NARS2: variants seen among roughly 807,000 people sequenced by gnomAD.
The protein encoded by NARS2 is asparaginyl-tRNA synthetase 2, mitochondrial.
In NARS2, 60 loss-of-function variants were observed where a neutral mutation model predicts 62.9. That is an observed-to-expected ratio of 0.95 (90% confidence interval 0.77 to 1.18). The LOEUF (loss-of-function observed/expected upper bound fraction) is 1.18, where lower values mean the gene tolerates loss of function less well. NARS2 is among the 50% of genes most tolerant of loss of function. The probability of loss-of-function intolerance (pLI) is 0.00; values close to 1 mark genes in which losing one functional copy is unlikely to be tolerated. For synonymous variants in NARS2, 196 were observed against 200.0 expected (o/e 0.98, Z 0.17); for missense variants, 619 against 576.4 (o/e 1.07, Z -0.76).
intron 12 of NARS2, among the ~76,000 whole-genome samples, chr11:78,441,884 T>C (rs892112875): frequency 6.6e-6 from 1 of 152,324 alleles, no homozygotes; most frequent in African/African-American, 2.4e-5. Flanking sequence ...TTGAGAACTA[T>C]TAATAAAATT....
chr11:78,482,683 C>T (rs1409018975), intron 7 of NARS2, among the ~76,000 whole-genome samples: 1 of 152,152 alleles, frequency 6.6e-6, no homozygotes, highest in African/African-American at 2.4e-5. Context: ...CCTCCCAAGA[C>T]TAAACCAGGA....
intron 7 of NARS2, among the ~76,000 whole-genome samples, chr11:78,491,063 T>C (rs1458377594): frequency 6.6e-6 from 1 of 152,212 alleles, no homozygotes; most frequent in Admixed American, 6.5e-5. Flanking sequence ...AATTAGGGGA[T>C]GGGCTCAAGT....
chr11:78,506,708 G>T (rs956636447), intron 6 of NARS2, among the ~76,000 whole-genome samples: 4 of 152,096 alleles, frequency 2.6e-5, no homozygotes. Context: ...GCTAATTTTT[G>T]TATATTTAGT....
intron 6 of NARS2, among the ~76,000 whole-genome samples, chr11:78,509,134 A>G (rs1030939010): frequency 6.6e-6 from 1 of 151,768 alleles, no homozygotes; most frequent in Non-Finnish European, 1.5e-5. Flanking sequence ...AAAAAAGATT[A>G]TCAACAGATT....
intron 13 of NARS2, among the ~76,000 whole-genome samples, chr11:78,440,212 C>G (rs140357882): frequency 1.3e-5 from 2 of 151,558 alleles, no homozygotes; most frequent in Non-Finnish European, 2.9e-5. Flanking sequence ...TACAGGCACA[C>G]GCCACCATGC....
chr11:78,517,080 T>C (rs1245615985), intron 6 of NARS2, among the ~76,000 whole-genome samples: 2 of 152,126 alleles, frequency 1.3e-5, no homozygotes, highest in African/African-American at 2.4e-5. Context: ...AAAAACAGCA[T>C]ATGCAAAGGA....
At chr11:78,548,357 C>T (rs1453463890) in intron 5 of NARS2, among the ~76,000 whole-genome samples, 1 of 150,686 alleles carries the variant, frequency 6.6e-6, no homozygotes, top group Non-Finnish European at 1.5e-5. Flanking sequence ...CATCTAAAAA[C>T]GTTTAAAAGA....
At chr11:78,470,529 T>C (rs913296290) in intron 9 of NARS2, among the ~76,000 whole-genome samples, 4 of 152,198 alleles carry the variant, frequency 2.6e-5, no homozygotes, top group African/African-American at 7.2e-5. Context: ...ATTTTACTAA[T>C]ATACCTTGCA....
chr11:78,452,396 C>T (rs928698478), intron 11 of NARS2, among the ~76,000 whole-genome samples: 6 of 151,832 alleles, frequency 4.0e-5, no homozygotes, highest in Non-Finnish European at 5.9e-5. Context: ...CGTCAGCCAC[C>T]GTGTCTGGCC....
chr11:78,554,072 A>C (rs1001849324), intron 5 of NARS2, among the ~76,000 whole-genome samples: 2 of 151,462 alleles, frequency 1.3e-5, no homozygotes, highest in African/African-American at 4.9e-5. Flanking sequence ...TTATTTCTGG[A>C]CTCTTTATTT....
chr11:78,560,699 T>C lies in NARS2; in HGVS notation c.514-1080A>G, dbSNP rs577156030. Among the ~76,000 whole-genome samples, 9 of 152,346 alleles carry C rather than the reference T, an allele frequency of 5.9e-5. No individual in the cohort carries two copies. The South Asian group carries it at 1.9e-3, about 32-fold the overall frequency. On this transcript the variant is annotated intron_variant, in intron 4 of 13. Transcript: ENST00000281038. Reference sequence around the variant, plus strand: ...AAAGTATTCAGTCAACAACTTGCCTTATGATGTGGACTGATTAAATATTCA... The same window carrying C: ...AAAGTATTCAGTCAACAACTTGCCTCATGATGTGGACTGATTAAATATTCA...
rs768220160 is a variant in NARS2, at chr11:78,520,531, T to TA, written c.689+8310_689+8311insT. On this transcript the variant is annotated intron_variant, in intron 6 of 13. Transcript: ENST00000281038. Reference sequence around the variant, plus strand: ...GGTTGCAATCACAGGTTAGGACTTGTCTTTTTTCAGGACACGGTTCAAGCA... The same window carrying TA: ...GGTTGCAATCACAGGTTAGGACTTGTACTTTTTTCAGGACACGGTTCAAGCA... 9.5e-4 allele frequency among the ~76,000 whole-genome samples: 144 copies of TA among 152,282 alleles called. 1 individual carries two copies. Among genetic ancestry groups the TA allele is most frequent in the Non-Finnish European group, 1.6e-3 (110 of 68,036 alleles).
chr11:78,549,332 G>A (rs1038025931), intron 5 of NARS2, among the ~76,000 whole-genome samples: 12 of 152,174 alleles, frequency 7.9e-5, no homozygotes, highest in Non-Finnish European at 1.5e-4. Context: ...TGTCCCTTCC[G>A]CCAGCACTGG....
chr11:78,554,039 C>G (rs1856234405), intron 5 of NARS2, among the ~76,000 whole-genome samples: 1 of 152,138 alleles, frequency 6.6e-6, no homozygotes, highest in African/African-American at 2.4e-5. Context: ...TGGGGAGGAT[C>G]AGATTGTCAT....
chr11:78,534,080 A>G (rs1357420665), intron 5 of NARS2, among the ~76,000 whole-genome samples: 1 of 152,166 alleles, frequency 6.6e-6, no homozygotes, highest in African/African-American at 2.4e-5. Flanking sequence ...GTTGCTTCCA[A>G]GTTTTGGCAA....
intron 6 of NARS2, among the ~76,000 whole-genome samples, chr11:78,508,016 G>A (rs1860570021): frequency 6.6e-6 from 1 of 152,096 alleles, no homozygotes; most frequent in Non-Finnish European, 1.5e-5. Flanking sequence ...AATGATGTAT[G>A]AACAAAATGG....
At chr11:78,562,861 C>T (rs1856601101) in intron 4 of NARS2, among the ~76,000 whole-genome samples, 1 of 152,200 alleles carries the variant, frequency 6.6e-6, no homozygotes, top group African/African-American at 2.4e-5. Flanking sequence ...TTTTCCCCCA[C>T]ATTTCTATAT....
At chr11:78,488,304 T>C (rs996283371) in intron 7 of NARS2, among the ~76,000 whole-genome samples, 2 of 151,672 alleles carry the variant, frequency 1.3e-5, no homozygotes, top group African/African-American at 2.4e-5. Context: ...TTCTAGATTA[T>C]GTGGGTGGGA....
Position 78,567,471 on chromosome 11 carries a change from C to T in NARS2, c.372+1161G>A, listed in dbSNP as rs190190556. On this transcript the variant is annotated intron_variant, in intron 3 of 13. Transcript: ENST00000281038. ...ACCATAGTTCACCGTGGGCAACAAACCGTGAAAAGCAAAACCACAGACAAG... is the reference window on the plus strand; with the variant it reads ...ACCATAGTTCACCGTGGGCAACAAATCGTGAAAAGCAAAACCACAGACAAG... 1.0e-3 allele frequency among the ~76,000 whole-genome samples: 155 copies of T among 152,184 alleles called. 2 individuals carry two copies. The highest frequency in any genetic ancestry group is 2.5e-4 in the Non-Finnish European group (17 of 68,006).
Sources: allele counts gnomAD v4.1 joint callset (sites outside exome capture counted in the v4.1 genomes callset), GRCh38; gene constraint gnomAD v4.1.1; transcripts MANE v1.5; gene names NCBI Gene and HGNC (gene_info 2026-07-23, HGNC 2026-07-21).